The following KCNQ4 variants were observed in gnomAD, a reference collection of about 807,000 sequenced individuals.
KCNQ4 encodes potassium voltage-gated channel subfamily KQT member 4.
KCNQ4 carries 31 observed loss-of-function variants against 72.6 expected under a neutral mutation model. The observed-to-expected ratio is 0.43, with a 90% CI of 0.32 to 0.58. The LOEUF (loss-of-function observed/expected upper bound fraction) is 0.58, where lower values mean the gene tolerates loss of function less well. Among genes scored for constraint, KCNQ4 ranks in the 20% least tolerant of loss-of-function variants. The pLI is 0.08. For missense variants in KCNQ4, 869 were observed against 962.6 expected (o/e 0.90, Z 1.29); for synonymous variants, 405 against 403.7 (o/e 1.00, Z -0.04).
chr1:40,831,140 G>A lies in KCNQ4; in HGVS notation c.1349G>A (p.Gly450Asp). The change falls in exon 10 of 14, where the codon GGT becomes GAT. Residue 450 changes from glycine (G) to aspartate (D), a missense_variant. By Grantham distance (94) the Gly-to-Asp change is moderately conservative. Around this residue, in one of 5 missense-constraint regions of KCNQ4, gnomAD observed 480 missense variants for 501.9 expected, o/e 0.96. Coordinates refer to ENST00000347132, the MANE Select transcript of KCNQ4 (RefSeq NM_004700.4). ...ATGGGCAGCTCCCAGCGGCGGACGG[G>A]TCCTTCCAAGCAGCATCTGGCACCT... ...IRMGSSQRRT[G>D]PSKQHLAPPT... is the part of the protein sequence containing the mutation. 3 of 1,610,968 alleles carry A rather than the reference G, an allele frequency of 1.9e-6. No individual in the cohort carries two copies. The highest frequency in any genetic ancestry group is 1.7e-6 in the Non-Finnish European group (2 of 1,178,936).
At chr1:40,826,578 A>G (rs1020546554) in intron 9 of KCNQ4, 3 of 432,954 alleles carry the variant, frequency 6.9e-6, no homozygotes, top group Non-Finnish European at 1.4e-5. Context: ...AGCTCCCCAC[A>G]CTCTGCCCAC....
In KCNQ4 at chr1:40,820,130, C is replaced by T. The variant is rs143807215; in HGVS notation, c.946-35C>T. The T allele has an allele frequency of 7.2e-4, 1,132 of 1,579,422 alleles. 7 individuals carry two copies. The African/African-American group carries it at 0.013, about 19-fold the overall frequency. On this transcript the variant is annotated intron_variant, in intron 6 of 13. Transcript: ENST00000347132. ...CAGCCTCTTACTGCCCCACCACTGCCAGCACATTCCCCCAACCATGCCCTA... is the reference window on the plus strand; with the variant it reads ...CAGCCTCTTACTGCCCCACCACTGCTAGCACATTCCCCCAACCATGCCCTA...
chr1:40,792,936 G>C (rs1233244022), intron 1 of KCNQ4, among the ~76,000 whole-genome samples: 2 of 151,516 alleles, frequency 1.3e-5, no homozygotes, highest in East Asian at 3.9e-4. Flanking sequence ...CCATGCATTT[G>C]GCCACTCCAC....
At chr1:40,787,593 T>C (rs1647215704) in intron 1 of KCNQ4, among the ~76,000 whole-genome samples, 1 of 152,170 alleles carries the variant, frequency 6.6e-6, no homozygotes, top group Non-Finnish European at 1.5e-5. Context: ...AGAGGACTGC[T>C]GACTCCTGTC....
chr1:40,834,897 G>C, intron 11 of KCNQ4, 70 bp from the exon 12 acceptor site: 1 of 1,597,028 alleles, frequency 6.3e-7, no homozygotes, highest in Non-Finnish European at 8.6e-7. Flanking sequence ...ATAGCAAAGA[G>C]ATGGAGAGGG....
intron 1 of KCNQ4, among the ~76,000 whole-genome samples, chr1:40,811,001 G>A (rs943235297): frequency 6.6e-6 from 1 of 152,156 alleles, no homozygotes; most frequent in Non-Finnish European, 1.5e-5. Flanking sequence ...TCCTTTTAAA[G>A]TGTTCAGTTC....
chr1:40,819,597 C>T, intron 5 of KCNQ4, 125 bp downstream of exon 5: 1 of 1,335,158 alleles, frequency 7.5e-7, no homozygotes, highest in Non-Finnish European at 1.1e-6. Flanking sequence ...CTCACTAGAG[C>T]TGGGACCCCC....
chr1:40,803,968 C>T (rs142666448), intron 1 of KCNQ4, among the ~76,000 whole-genome samples: 6 of 152,328 alleles, frequency 3.9e-5, no homozygotes, highest in African/African-American at 1.4e-4. Context: ...TGCTCCTCTT[C>T]GACCCTGTCA....
chr1:40,831,067 C>A lies in KCNQ4; in HGVS notation c.1293-17C>A. The A allele has an allele frequency of 6.4e-7, 1 of 1,562,752 alleles. No homozygotes were observed. The highest frequency in any genetic ancestry group is 8.7e-7 in the Non-Finnish European group (1 of 1,153,436). On this transcript the variant is annotated splice_polypyrimidine_tract_variant and intron_variant, in intron 9 of 13. Coordinates refer to ENST00000347132, the MANE Select transcript of KCNQ4 (RefSeq NM_004700.4). ...TCTGGCTAACTTGGCTCTCTCCCAA[C>A]CTGCCTGCCCTGCCAGCAGCCGGAT...
intron 9 of KCNQ4, 28 bp downstream of exon 9, chr1:40,824,286 C>T (rs766930920): frequency 1.3e-6 from 2 of 1,595,724 alleles, no homozygotes; most frequent in African/African-American, 2.7e-5. Flanking sequence ...CTGCCACCTC[C>T]TCTTGCTTCT....
intron 1 of KCNQ4, among the ~76,000 whole-genome samples, chr1:40,801,256 C>T (rs1570808910): frequency 6.6e-6 from 1 of 152,080 alleles, no homozygotes; most frequent in East Asian, 1.9e-4. Context: ...GATCTTAACT[C>T]TGCTTTCTGG....
Position 40,796,643 on chromosome 1 carries a change from G to A in KCNQ4, c.314+12236G>A, listed in dbSNP as rs114041734. Among the ~76,000 whole-genome samples, 909 of 152,266 alleles carry A rather than the reference G, an allele frequency of 6.0e-3. 9 individuals carry two copies. Among genetic ancestry groups the A allele is most frequent in the African/African-American group, 0.021 (869 of 41,548 alleles). ...TAAAGTTCAAGGTCCTGGGCCGGGCGCTGTGGCTCACGCCTGTAATCCCAG... is the reference window on the plus strand; with the variant it reads ...TAAAGTTCAAGGTCCTGGGCCGGGCACTGTGGCTCACGCCTGTAATCCCAG... On this transcript the variant is annotated intron_variant, in intron 1 of 13. Transcript: ENST00000347132.
chr1:40,835,428 C>T (rs746676504), intron 12 of KCNQ4, among the ~76,000 whole-genome samples: 3 of 152,232 alleles, frequency 2.0e-5, no homozygotes, highest in African/African-American at 7.2e-5. Flanking sequence ...TCCCATCTCC[C>T]AAGAGAATAG....
intron 10 of KCNQ4, among the ~76,000 whole-genome samples, chr1:40,831,854 G>C (rs1648659809): frequency 6.6e-6 from 1 of 152,206 alleles, no homozygotes; most frequent in African/African-American, 2.4e-5. Flanking sequence ...ACTTCTCCCA[G>C]TGACCCTGGA....
intron 1 of KCNQ4, among the ~76,000 whole-genome samples, chr1:40,792,839 G>A (rs1246187551): frequency 6.6e-6 from 1 of 152,042 alleles, no homozygotes; most frequent in Non-Finnish European, 1.5e-5. Flanking sequence ...GGATTAAGGT[G>A]TAAAGAAGTT....
At chr1:40,804,181 C>T (rs1647679748) in intron 1 of KCNQ4, among the ~76,000 whole-genome samples, 1 of 152,234 alleles carries the variant, frequency 6.6e-6, no homozygotes, top group Admixed American at 6.5e-5. Context: ...AATGCTTGAA[C>T]CCACTGCCAC....
chr1:40,830,159 C>G (rs1308761700), intron 9 of KCNQ4, among the ~76,000 whole-genome samples: 1 of 152,026 alleles, frequency 6.6e-6, no homozygotes, highest in Non-Finnish European at 1.5e-5. Flanking sequence ...GGATCCAAGA[C>G]CACACAGGCA....
At chr1:40,799,438 C>CT (rs987175604) in intron 1 of KCNQ4, among the ~76,000 whole-genome samples, 1 of 150,878 alleles carries the variant, frequency 6.6e-6, no homozygotes, top group Non-Finnish European at 1.5e-5. Flanking sequence ...CCATGCCCCC[C>CT]CCCTCGCTAG....
chr1:40,813,949 G>A (rs190780631), intron 1 of KCNQ4, among the ~76,000 whole-genome samples: 40 of 150,906 alleles, frequency 2.7e-4, no homozygotes, highest in East Asian at 5.8e-4. Context: ...GGGTTTCACC[G>A]TGTTAGTCAG....
Sources: allele counts gnomAD v4.1 joint callset (sites outside exome capture counted in the v4.1 genomes callset), GRCh38; gene constraint gnomAD v4.1.1; regional missense constraint gnomAD v4.1.1; transcripts MANE v1.5; gene names NCBI Gene and HGNC (gene_info 2026-07-23, HGNC 2026-07-21).